The following DOCK1 variants were observed in gnomAD, a reference collection of about 807,000 sequenced individuals.
DOCK1 encodes the protein dedicator of cytokinesis protein 1.
Under a neutral mutation model 262.7 loss-of-function variants are expected in DOCK1, and 138 were observed. That is an observed-to-expected ratio of 0.53 (90% CI 0.46 to 0.61). The LOEUF (loss-of-function observed/expected upper bound fraction) is 0.61, where lower values mean the gene tolerates loss of function less well. Among genes scored for constraint, DOCK1 ranks in the 20% least tolerant of loss-of-function variants. The pLI is 0.00. For missense variants in DOCK1, 1,908 were observed against 2,370.7 expected (o/e 0.80, Z 4.05); for synonymous variants, 866 against 867.4 (o/e 1.00, Z 0.03).
At chr10:127,368,245 C>A (rs985104418) in intron 33 of DOCK1, among the ~76,000 whole-genome samples, 1 of 152,230 alleles carries the variant, frequency 6.6e-6, no homozygotes, top group Admixed American at 6.5e-5. Flanking sequence ...TCAACAAAAA[C>A]CCATTTCTTA....
chr10:127,172,195 G>A (rs753206242), intron 27 of DOCK1, among the ~76,000 whole-genome samples: 109 of 152,208 alleles, frequency 7.2e-4, no homozygotes, highest in Non-Finnish European at 1.3e-3. Flanking sequence ...TGAATCCCTC[G>A]TTCTAAAGTC....
intron 8 of DOCK1, chr10:126,998,599 A>G (rs2040374745): frequency 5.6e-6 from 1 of 178,588 alleles, no homozygotes; most frequent in Non-Finnish European, 1.2e-5. Context: ...AAATATCACT[A>G]TTTCCATTTT....
At chr10:127,011,748 G>C (rs1421177740) in intron 11 of DOCK1, among the ~76,000 whole-genome samples, 1 of 152,090 alleles carries the variant, frequency 6.6e-6, no homozygotes, top group Non-Finnish European at 1.5e-5. Context: ...CAGGAGGGTA[G>C]AGTAGAAAGC....
In DOCK1 at chr10:127,042,573, G is replaced by A. The variant is rs543390258; in HGVS notation, c.2011-52G>A. 82 of 1,491,150 alleles carry A rather than the reference G, an allele frequency of 5.5e-5. No homozygotes were observed. The African/African-American group carries it at 1.0e-3, about 19-fold the overall frequency. The allele number at this position is 1,491,150 out of a possible 1,614,324, so 92.4% of individuals were successfully genotyped here. On this transcript the variant is annotated intron_variant, in intron 19 of 51. Transcript: ENST00000623213. ...AGAGATGATAGTTATTCCAGTGTGT[G>A]GGGGAAGTCCGGTGGGTTCACATTG...
chr10:126,926,999 A>ATT (rs1358544708), intron 1 of DOCK1, among the ~76,000 whole-genome samples: 1 of 152,146 alleles, frequency 6.6e-6, no homozygotes, highest in Non-Finnish European at 1.5e-5. Context: ...ACAGGGGAAA[A>ATT]AGTATTTCTG....
intron 12 of DOCK1, among the ~76,000 whole-genome samples, chr10:127,016,859 A>G (rs1157946185): frequency 7.9e-6 from 1 of 125,876 alleles, no homozygotes; most frequent in African/African-American, 3.1e-5. Flanking sequence ...GATACCATAA[A>G]CACACACACA....
At chr10:126,980,193 T>C (rs1007586219) in intron 3 of DOCK1, among the ~76,000 whole-genome samples, 2 of 151,976 alleles carry the variant, frequency 1.3e-5, no homozygotes, top group African/African-American at 4.8e-5. Flanking sequence ...TTTTTTAAGT[T>C]AATGTTTTAT....
At chr10:127,219,959 G>T (rs2058364175) in intron 27 of DOCK1, among the ~76,000 whole-genome samples, 1 of 152,078 alleles carries the variant, frequency 6.6e-6, no homozygotes, top group South Asian at 2.1e-4. Context: ...CTTACTTACA[G>T]ATTGAGAATC....
intron 1 of DOCK1, among the ~76,000 whole-genome samples, chr10:126,950,878 G>A (rs900632577): frequency 3.9e-5 from 6 of 152,120 alleles, no homozygotes; most frequent in Non-Finnish European, 7.3e-5. Context: ...ACTGGTGATA[G>A]CGGTGGTGCT....
At chr10:127,062,889 C>G (rs2045624152) in intron 23 of DOCK1, among the ~76,000 whole-genome samples, 1 of 152,172 alleles carries the variant, frequency 6.6e-6, no homozygotes, top group Non-Finnish European at 1.5e-5. Context: ...TTCTGTCCTT[C>G]TTCCCTCTTT....
chr10:126,983,119 C>A (rs908709613), intron 4 of DOCK1, among the ~76,000 whole-genome samples: 26 of 152,300 alleles, frequency 1.7e-4, no homozygotes, highest in African/African-American at 6.0e-4. Flanking sequence ...TCCAAGGTGC[C>A]CCACTGTGGG....
At chr10:127,395,046 C>T (rs143782626) in intron 38 of DOCK1, among the ~76,000 whole-genome samples, 174 of 152,228 alleles carry the variant, frequency 1.1e-3, no homozygotes, top group Non-Finnish European at 1.9e-3. Flanking sequence ...CTGGGAGGAA[C>T]AGGAATTTCA....
intron 46 of DOCK1, among the ~76,000 whole-genome samples, chr10:127,424,443 T>A (rs1340581779): frequency 8.5e-5 from 13 of 152,190 alleles, no homozygotes; most frequent in Admixed American, 8.5e-4. Context: ...TTTTGTAGTT[T>A]GAGAAAGGCC....
At position 127,019,222 on chromosome 10, in the gene DOCK1, G is replaced by A. The variant is rs147629903; in HGVS notation, c.1327+387G>A. ...GCTGAATGGAAATGCCTGTGCCTGC[G>A]CCCGCTCAGCTAGTGTACGTTATAC... On this transcript the variant is annotated intron_variant, in intron 13 of 51. Coordinates refer to ENST00000623213, the MANE Select transcript of DOCK1 (RefSeq NM_001290223.2). Among the ~76,000 whole-genome samples the A allele has an allele frequency of 3.6e-3, 545 of 152,258 alleles. 2 individuals are homozygous for A. Among genetic ancestry groups the A allele is most frequent in the Non-Finnish European group, 5.7e-3 (389 of 68,012 alleles).
chr10:127,205,201 C>T (rs564743516), intron 27 of DOCK1, among the ~76,000 whole-genome samples: 1 of 152,016 alleles, frequency 6.6e-6, no homozygotes, highest in Non-Finnish European at 1.5e-5. Flanking sequence ...TCATTCACAC[C>T]ATGAAAATGG....
chr10:126,941,295 T>C (rs1177862248), intron 1 of DOCK1, among the ~76,000 whole-genome samples: 1 of 152,196 alleles, frequency 6.6e-6, no homozygotes, highest in African/African-American at 2.4e-5. Flanking sequence ...CTATACTGTG[T>C]AAAGAAACCT....
intron 27 of DOCK1, among the ~76,000 whole-genome samples, chr10:127,190,584 A>G (rs933441560): frequency 6.6e-6 from 1 of 150,422 alleles, no homozygotes; most frequent in African/African-American, 2.4e-5. Flanking sequence ...TCTAGGACGT[A>G]AGAGATAATG....
intron 29 of DOCK1, among the ~76,000 whole-genome samples, chr10:127,314,605 C>T (rs532230946): frequency 6.7e-6 from 1 of 150,040 alleles, no homozygotes; most frequent in East Asian, 1.9e-4. Context: ...TTTGTTGAAA[C>T]ACTAGGTTTT....
chr10:126,906,379 C>T (rs1312090477), intron 1 of DOCK1, among the ~76,000 whole-genome samples: 1 of 152,186 alleles, frequency 6.6e-6, no homozygotes, highest in East Asian at 1.9e-4. Flanking sequence ...CCCCGGGGAC[C>T]CGCAGCCGGT....
Sources: allele counts gnomAD v4.1 joint callset (sites outside exome capture counted in the v4.1 genomes callset), GRCh38; gene constraint gnomAD v4.1.1; transcripts MANE v1.5; gene names NCBI Gene and HGNC (gene_info 2026-07-23, HGNC 2026-07-21).